APBB1IP: variants seen among roughly 807,000 people sequenced by gnomAD.
APBB1IP encodes amyloid beta precursor protein binding family B member 1 interacting protein.
APBB1IP carries 27 observed loss-of-function variants against 64.9 expected under a neutral mutation model. The ratio of observed to expected loss-of-function variants is 0.42; its 90% CI spans 0.31 to 0.57. APBB1IP has a LOEUF of 0.57. APBB1IP is among the 20% of genes least tolerant of loss of function. APBB1IP has a pLI of 0.20. For missense variants in APBB1IP, 812 were observed against 845.5 expected (o/e 0.96, Z 0.49); for synonymous variants, 392 against 331.0 (o/e 1.18, Z -2.00).
At chr10:26,545,488 C>T (rs1363749659) in intron 11 of APBB1IP, among the ~76,000 whole-genome samples, 1 of 152,064 alleles carries the variant, frequency 6.6e-6, no homozygotes, top group Non-Finnish European at 1.5e-5. Context: ...AGGCCGGGCG[C>T]GGTGGCTCAC....
chr10:26,522,640 T>G (rs1392322198), intron 8 of APBB1IP, among the ~76,000 whole-genome samples: 3 of 152,260 alleles, frequency 2.0e-5, no homozygotes, highest in African/African-American at 7.2e-5. Context: ...ATAGGACACT[T>G]AAGGGTTAAA....
At chr10:26,448,633 T>G (rs946820621) in intron 2 of APBB1IP, among the ~76,000 whole-genome samples, 3 of 152,258 alleles carry the variant, frequency 2.0e-5, no homozygotes. Flanking sequence ...CTTTGGGGCC[T>G]GTCCCTACAA....
At chr10:26,539,870 C>T (rs980203112) in intron 10 of APBB1IP, among the ~76,000 whole-genome samples, 7 of 152,104 alleles carry the variant, frequency 4.6e-5, no homozygotes, top group African/African-American at 1.7e-4. Context: ...CGTCTCATTA[C>T]TGATCAGGGA....
intron 3 of APBB1IP, 119 bp downstream of exon 3, chr10:26,492,517 G>A (rs1439999200): frequency 4.1e-5 from 35 of 847,444 alleles, no homozygotes; most frequent in East Asian, 7.7e-5. Flanking sequence ...ACCAGCCCCC[G>A]ATATTTCAAT....
chr10:26,472,322 A>G (rs1413742003), intron 2 of APBB1IP, among the ~76,000 whole-genome samples: 1 of 152,246 alleles, frequency 6.6e-6, no homozygotes, highest in Non-Finnish European at 1.5e-5. Context: ...GCCTGGAGCC[A>G]TGAAAGTGGC....
intron 11 of APBB1IP, among the ~76,000 whole-genome samples, chr10:26,548,044 T>C (rs116236654): frequency 1.3e-5 from 2 of 152,342 alleles, no homozygotes; most frequent in African/African-American, 4.8e-5. Context: ...CTGCTATAGA[T>C]TTGTAGTATA....
At chr10:26,488,836 C>A (rs994442618) in intron 2 of APBB1IP, among the ~76,000 whole-genome samples, 6 of 152,212 alleles carry the variant, frequency 3.9e-5, no homozygotes, top group African/African-American at 1.2e-4. Context: ...TGCTTCTATA[C>A]CTGGGTGCTC....
At chr10:26,492,244 TGG>T in intron 2 of APBB1IP, 81 bp from the exon 3 acceptor site, 1 of 1,280,660 alleles carries the variant, frequency 7.8e-7, no homozygotes, top group Non-Finnish European at 1.1e-6. Flanking sequence ...ATGGGGCTCT[TGG>T]GGGAAAGAGA....
intron 8 of APBB1IP, among the ~76,000 whole-genome samples, chr10:26,530,325 G>T (rs561881373): frequency 6.6e-6 from 1 of 151,010 alleles, no homozygotes; most frequent in South Asian, 2.1e-4. Context: ...AGCCTCTGGA[G>T]TAGCTGGGAC....
At chr10:26,521,672 G>A (rs1233212887) in intron 8 of APBB1IP, among the ~76,000 whole-genome samples, 1 of 152,158 alleles carries the variant, frequency 6.6e-6, no homozygotes, top group African/African-American at 2.4e-5. Context: ...CCTAGAAGAA[G>A]TTTGAAAAAC....
chr10:26,509,353 G>C (rs1363221947), intron 6 of APBB1IP, among the ~76,000 whole-genome samples: 10 of 152,166 alleles, frequency 6.6e-5, no homozygotes, highest in Non-Finnish European at 1.3e-4. Context: ...ATGGTCCCTG[G>C]AGGAAGAAAG....
At chr10:26,495,944 A>T (rs981202783) in intron 3 of APBB1IP, among the ~76,000 whole-genome samples, 14 of 140,578 alleles carry the variant, frequency 1.0e-4, no homozygotes, top group African/African-American at 3.6e-4. Flanking sequence ...TAATATATAT[A>T]AAATATATTT....
At chr10:26,523,871 T>C (rs1836436381) in intron 8 of APBB1IP, among the ~76,000 whole-genome samples, 1 of 152,188 alleles carries the variant, frequency 6.6e-6, no homozygotes, top group Non-Finnish European at 1.5e-5. Context: ...GGTGGCTCAC[T>C]ATGAGTGGCT....
At chr10:26,513,483 C>A (rs1025334863) in intron 7 of APBB1IP, 56 bp from the exon 8 acceptor site, 8 of 1,594,706 alleles carry the variant, frequency 5.0e-6, no homozygotes, top group Non-Finnish European at 6.8e-6. Flanking sequence ...GCTTGTTTCT[C>A]ACTTGGAAAC....
chr10:26,537,636 A>AAAGTGTTT (rs1836642189), intron 10 of APBB1IP, among the ~76,000 whole-genome samples: 2 of 152,182 alleles, frequency 1.3e-5, no homozygotes, highest in African/African-American at 4.8e-5. Context: ...ATGAGAATTA[A>AAAGTGTTT]AAGTGTTTAC....
chr10:26,464,701 G>A lies in APBB1IP; in HGVS notation c.-1+25848G>A, dbSNP rs1220864591. Among the ~76,000 whole-genome samples the A allele has an allele frequency of 2.6e-5, 4 of 152,172 alleles. No individual in the cohort carries two copies. In the East Asian group the frequency reaches 7.7e-4, roughly 29 times the overall value. On this transcript the variant is annotated intron_variant, in intron 2 of 14. Coordinates refer to ENST00000376236, the MANE Select transcript of APBB1IP (RefSeq NM_019043.4). ...TGGGATTACAGGCGTGAGCCACCAT[G>A]CCCAGACCATAATAATTTTATGAAT...
chr10:26,457,773 A>G (rs999333885), intron 2 of APBB1IP, among the ~76,000 whole-genome samples: 2 of 152,216 alleles, frequency 1.3e-5, no homozygotes, highest in Non-Finnish European at 2.9e-5. Flanking sequence ...GACACAGATA[A>G]GTATGAGTTT....
At chr10:26,563,768 A>C (rs972680945) in intron 14 of APBB1IP, among the ~76,000 whole-genome samples, 1 of 152,168 alleles carries the variant, frequency 6.6e-6, no homozygotes, top group Admixed American at 6.5e-5. Flanking sequence ...TGGTGAAAAC[A>C]ACTAAATATT....
intron 11 of APBB1IP, among the ~76,000 whole-genome samples, chr10:26,554,655 C>T (rs1836872551): frequency 6.6e-6 from 1 of 152,162 alleles, no homozygotes; most frequent in South Asian, 2.1e-4. Flanking sequence ...GATCACAGCT[C>T]ATGGCAGCCT....
Sources: gnomAD v4.1 joint callset for allele counts (sites outside exome capture counted in the v4.1 genomes callset) on GRCh38, gnomAD v4.1.1 for gene constraint, MANE v1.5 for transcripts, NCBI Gene and HGNC (gene_info 2026-07-23, HGNC 2026-07-21) for gene names.